Variants in COL10A1 observed in about 807,000 individuals in gnomAD.
The protein encoded by COL10A1 is collagen type X alpha 1 chain, also known as collagen alpha-1(X) chain.
COL10A1 carries 10 observed loss-of-function variants against 18.2 expected under a neutral mutation model. That is an observed-to-expected ratio of 0.55 (90% CI 0.34 to 0.93). The LOEUF (loss-of-function observed/expected upper bound fraction) is 0.93. COL10A1 is among the 40% of genes least tolerant of loss of function. The probability of loss-of-function intolerance (pLI) is 0.02; values close to 1 mark genes in which losing one functional copy is unlikely to be tolerated. For synonymous variants in COL10A1, 330 were observed against 316.6 expected (o/e 1.04, Z -0.45); for missense variants, 897 against 853.5 (o/e 1.05, Z -0.64).
intron 1 of COL10A1, among the ~76,000 whole-genome samples, chr6:116,156,284 T>G (rs1780191755): frequency 6.6e-6 from 1 of 152,198 alleles, no homozygotes; most frequent in Non-Finnish European, 1.5e-5. Context: ...CCGGCAAAAC[T>G]AATGAACTTT....
the COL10A1 span, among the ~76,000 whole-genome samples, chr6:116,165,286 C>T: frequency 6.6e-6 from 1 of 151,940 alleles, no homozygotes; most frequent in Non-Finnish European, 1.5e-5. Context: ...TAGCATTGAC[C>T]TTGGATAGTC....
the COL10A1 span, among the ~76,000 whole-genome samples, chr6:116,216,640 A>T: frequency 6.6e-6 from 1 of 151,940 alleles, no homozygotes; most frequent in African/African-American, 2.4e-5. Flanking sequence ...TTCTAGATTT[A>T]TTTATTTAAT....
chr6:116,122,083 A>G, intron 2 of COL10A1, 122 bp from the exon 3 acceptor site: 1 of 913,128 alleles, frequency 1.1e-6, no homozygotes, highest in Non-Finnish European at 1.8e-6. Flanking sequence ...TTCCATGTAG[A>G]CAGAACAGTC....
chr6:116,203,454 T>C, the COL10A1 span, among the ~76,000 whole-genome samples: 15,289 of 151,912 alleles, frequency 0.1, 1,277 homozygotes, highest in African/African-American at 0.23. Flanking sequence ...TTATTTTATA[T>C]ATGTAATTAT....
At position 116,120,933 on chromosome 6, in the gene COL10A1, C is replaced by G. The variant is rs1188653510; in HGVS notation, c.1183G>C (p.Gly395Arg). ...GGGTTACCCTTAGGACCATCGAGACCTGGTTTTCCTGGGTACCCTGGTTTT... is the reference window on the plus strand; with the variant it reads ...GGGTTACCCTTAGGACCATCGAGACGTGGTTTTCCTGGGTACCCTGGTTTT... ...DGKPGYPGKPGLDGPKGNPGL... is the reference protein window; with the variant it reads ...DGKPGYPGKPRLDGPKGNPGL... The change falls in exon 3 of 3, where the codon GGT becomes CGT. Residue 395 changes from glycine to arginine, a missense_variant. Coordinates refer to ENST00000651968, the MANE Select transcript of COL10A1 (RefSeq NM_000493.4). 2.5e-6 allele frequency: 4 copies of G among 1,613,970 alleles called. No homozygotes were observed. Among genetic ancestry groups the G allele is most frequent in the Admixed American group, 1.7e-5 (1 of 60,032 alleles).
upstream of COL10A1, among the ~76,000 whole-genome samples, chr6:116,163,141 A>AAAATATATATAC (rs761718922): frequency 3.4e-5 from 3 of 88,408 alleles, no homozygotes; most frequent in African/African-American, 1.7e-4. Flanking sequence ...AAAAAAAAAA[A>AAAATATATATAC]ATATATATAT....
the COL10A1 span, among the ~76,000 whole-genome samples, chr6:116,181,340 G>C: frequency 6.6e-6 from 1 of 151,916 alleles, no homozygotes; most frequent in Admixed American, 6.6e-5. Flanking sequence ...AGCAAATTCA[G>C]AATATATAAA....
At chr6:116,170,219 A>G in the COL10A1 span, among the ~76,000 whole-genome samples, 1 of 150,720 alleles carries the variant, frequency 6.6e-6, no homozygotes, top group Admixed American at 6.6e-5. Context: ...AGGGGATGAT[A>G]TGGAATGAAA....
At chr6:116,122,263 G>A (rs935286234) in intron 2 of COL10A1, among the ~76,000 whole-genome samples, 1 of 152,156 alleles carries the variant, frequency 6.6e-6, no homozygotes, top group African/African-American at 2.4e-5. Flanking sequence ...GGTAAATTTA[G>A]TACATTTATT....
At chr6:116,194,786 A>G in the COL10A1 span, among the ~76,000 whole-genome samples, 9 of 152,168 alleles carry the variant, frequency 5.9e-5, no homozygotes, top group South Asian at 2.1e-4. Context: ...TTTGGGTACA[A>G]TGCTGAAGTG....
the COL10A1 span, among the ~76,000 whole-genome samples, chr6:116,171,897 A>C: frequency 6.6e-6 from 1 of 152,324 alleles, no homozygotes; most frequent in South Asian, 2.1e-4. Context: ...TATACAGGGA[A>C]GTTTAAGTCC....
rs578248225 is a variant in COL10A1 at position 116,121,505 on chromosome 6, A to T, written c.611T>A (p.Leu204His). The T allele has an allele frequency of 6.2e-7, 1 of 1,614,092 alleles. No homozygotes were observed. Among genetic ancestry groups the T allele is most frequent in the Admixed American group, 1.7e-5 (1 of 60,012 alleles). ...TCCTGTGGGACCCTGAGGGCCTGGA[A>T]GACCCCTCTCACCTGGACGACCAGG... ...GAPGRPGERG[L>H]PGPQGPTGPS... is the part of the protein sequence containing the mutation. Residue 204 changes from leucine to histidine, a missense_variant, in exon 3 of 3, where the codon CTT (leucine) becomes CAT (histidine). By Grantham distance (99) the Leu-to-His change is moderately conservative. Transcript: ENST00000651968.
chr6:116,183,860 CT>C, the COL10A1 span, among the ~76,000 whole-genome samples: 4 of 151,988 alleles, frequency 2.6e-5, no homozygotes, highest in Admixed American at 2.6e-4. Context: ...AACAGTTTGA[CT>C]TCCTCTTTGC....
upstream of COL10A1, among the ~76,000 whole-genome samples, chr6:116,129,519 A>C (rs559465448): frequency 6.6e-6 from 1 of 152,278 alleles, no homozygotes; most frequent in South Asian, 2.1e-4. Context: ...CTTTATATAG[A>C]AGCAAGCTCG....
chr6:116,159,087 C>T (rs1474897994), upstream of COL10A1, among the ~76,000 whole-genome samples: 1 of 152,144 alleles, frequency 6.6e-6, no homozygotes, highest in Non-Finnish European at 1.5e-5. Context: ...TTCCTGTCTA[C>T]TTACTAACTA....
At chr6:116,207,544 A>T in the COL10A1 span, among the ~76,000 whole-genome samples, 1 of 152,066 alleles carries the variant, frequency 6.6e-6, no homozygotes, top group South Asian at 2.1e-4. Flanking sequence ...TTTGAAAAGT[A>T]TATATGATTG....
At chr6:116,125,185 C>T (rs1779257763) in intron 2 of COL10A1, among the ~76,000 whole-genome samples, 154 bp downstream of exon 2, 1 of 152,176 alleles carries the variant, frequency 6.6e-6, no homozygotes, top group Admixed American at 6.5e-5. Context: ...TCTTGTTCTA[C>T]TTTTTTCACA....
At chr6:116,124,411 G>A (rs1291970637) in intron 2 of COL10A1, among the ~76,000 whole-genome samples, 2 of 152,110 alleles carry the variant, frequency 1.3e-5, no homozygotes, top group South Asian at 2.1e-4. Context: ...CCTAGAAGTT[G>A]CCCTCCTTTG....
chr6:116,172,279 T>G, the COL10A1 span, among the ~76,000 whole-genome samples: 1 of 151,780 alleles, frequency 6.6e-6, no homozygotes, highest in Non-Finnish European at 1.5e-5. Flanking sequence ...TATTAAAGAT[T>G]GGATTGTCAA....
Sources: gnomAD v4.1 joint callset for allele counts (sites outside exome capture counted in the v4.1 genomes callset) on GRCh38, gnomAD v4.1.1 for gene constraint, MANE v1.5 for transcripts, NCBI Gene and HGNC (gene_info 2026-07-23, HGNC 2026-07-21) for gene names.